Variants in SFXN2 observed in about 807,000 individuals in gnomAD.
The protein encoded by SFXN2 is sideroflexin 2.
SFXN2 carries 37 observed loss-of-function variants against 41.9 expected under a neutral mutation model. The observed-to-expected ratio is 0.88, with a 90% CI of 0.68 to 1.16. The LOEUF (loss-of-function observed/expected upper bound fraction) is 1.16, where lower values mean the gene tolerates loss of function less well. Among genes scored for constraint, SFXN2 ranks in the 50% most tolerant of loss-of-function variants. The pLI, the probability that SFXN2 is intolerant of heterozygous loss-of-function variation, is 0.00. For missense variants in SFXN2, 386 were observed against 425.2 expected (o/e 0.91, Z 0.81); for synonymous variants, 150 against 156.7 (o/e 0.96, Z 0.32).
At chr10:102,715,990 G>C (rs533212953) in intron 1 of SFXN2, among the ~76,000 whole-genome samples, 30 of 151,712 alleles carry the variant, frequency 2.0e-4, no homozygotes, top group Non-Finnish European at 3.1e-4. Flanking sequence ...ACCTGCTTCA[G>C]ATCCTTGGAG....
In SFXN2 at chr10:102,729,337, C is replaced by T; in HGVS notation, c.450C>T (p.Tyr150=). The change falls in exon 5 of 12, where the codon TAC becomes TAT. Residue 150 remains tyrosine (Y), a synonymous_variant. Transcript: ENST00000369893. ...PTSVRQMALS[Y]FTATTTAVAT... is the part of the protein sequence containing the mutation. ...CCCCCAGGCAGATGGCCCTTTCCTACTTCACAGCCACAACCACTGCTGTGG... is the reference window on the plus strand; with the variant it reads ...CCCCCAGGCAGATGGCCCTTTCCTATTTCACAGCCACAACCACTGCTGTGG... 6.2e-7 allele frequency: 1 copy of T among 1,614,226 alleles called. No individual in the cohort carries two copies. Among genetic ancestry groups the T allele is most frequent in the Non-Finnish European group, 8.5e-7 (1 of 1,180,024 alleles).
rs2064722126 is a variant in SFXN2 at position 102,732,754 on chromosome 10, T to C, written c.722-105T>C. The C allele has an allele frequency of 2.6e-6, 3 of 1,163,080 alleles. No individual in the cohort carries two copies. In the African/African-American group the frequency reaches 4.6e-5, roughly 18 times the overall value. The allele number at this position is 1,163,080 out of a possible 1,614,324, so 72.0% of individuals were successfully genotyped here. A position where few individuals can be genotyped will look rare whatever the true frequency, so the allele number is the denominator to read the frequency against. ...CCTAGTGGTAAGTATTTTCTGGAGC[T>C]TCTGCTGAAGGAGAGGGAACCACTT... is the stretch of plus-strand genomic sequence containing the variant. On this transcript the variant is annotated intron_variant, in intron 8 of 11. Transcript: ENST00000369893.
intron 3 of SFXN2, among the ~76,000 whole-genome samples, chr10:102,727,972 G>A (rs1401257641): frequency 6.6e-6 from 1 of 152,094 alleles, no homozygotes; most frequent in Non-Finnish European, 1.5e-5. Flanking sequence ...AGGCAGAGGG[G>A]CCAGCCTGCG....
chr10:102,736,028 A>C, intron 11 of SFXN2, 119 bp downstream of exon 11: 1 of 988,400 alleles, frequency 1.0e-6, no homozygotes, highest in Non-Finnish European at 1.6e-6. Context: ...CTGTCTGAGG[A>C]CAAGTGTCCA....
At chr10:102,717,636 A>C (rs1590135649) in intron 1 of SFXN2, 1 of 335,828 alleles carries the variant, frequency 3.0e-6, no homozygotes, top group African/African-American at 2.2e-5. Flanking sequence ...AGTATGACTT[A>C]GTACAGGCAA....
Position 102,735,749 on chromosome 10 carries a change from C to T in SFXN2, c.822-113C>T, listed in dbSNP as rs938923026. 1.5e-5 allele frequency: 16 copies of T among 1,039,884 alleles called. No individual in the cohort carries two copies. In the African/African-American group the frequency reaches 2.0e-4, roughly 13 times the overall value. The allele number at this position is 1,039,884 out of a possible 1,614,324, so 64.4% of individuals were successfully genotyped here. A position where few individuals can be genotyped will look rare whatever the true frequency, so the allele number is the denominator to read the frequency against. On this transcript the variant is annotated intron_variant, in intron 10 of 11. Transcript: ENST00000369893. ...GGGTTGGAGGGAGAGGATATGGTGC[C>T]AGCTGGGAAGGCAGGCCAGGTGCCT...
At chr10:102,717,963 G>C (rs1185118058) in intron 1 of SFXN2, among the ~76,000 whole-genome samples, 1 of 152,206 alleles carries the variant, frequency 6.6e-6, no homozygotes, top group Non-Finnish European at 1.5e-5. Context: ...GGATGCTGTA[G>C]GAGTATATAT....
chr10:102,721,959 C>T (rs945727329), intron 1 of SFXN2, among the ~76,000 whole-genome samples: 2 of 152,172 alleles, frequency 1.3e-5, no homozygotes, highest in East Asian at 3.8e-4. Flanking sequence ...TCCTGTTGGT[C>T]TCTCCTCTGA....
In SFXN2 at chr10:102,737,889, G is replaced by C. The variant is rs1038565007; in HGVS notation, c.*127G>C. 1.2e-5 allele frequency: 7 copies of C among 607,858 alleles called. No individual in the cohort carries two copies. Among genetic ancestry groups the C allele is most frequent in the African/African-American group, 1.9e-5 (1 of 54,042 alleles). The allele number at this position is 607,858 out of a possible 1,614,324, so 37.7% of individuals were successfully genotyped here. A position where few individuals can be genotyped will look rare whatever the true frequency, so the allele number is the denominator to read the frequency against. On this transcript the variant is annotated 3_prime_UTR_variant, in exon 12 of 12. Coordinates refer to ENST00000369893, the MANE Select transcript of SFXN2 (RefSeq NM_178858.6). ...AAGGCCAGGGTAGATTGGGGGGTGGGACAATGAATGCCTCATACTTACACC... is the reference window on the plus strand; with the variant it reads ...AAGGCCAGGGTAGATTGGGGGGTGGCACAATGAATGCCTCATACTTACACC...
intron 11 of SFXN2, among the ~76,000 whole-genome samples, chr10:102,737,164 GTAAA>G (rs545614381): frequency 4.0e-5 from 6 of 151,652 alleles, no homozygotes; most frequent in East Asian, 1.9e-4. Flanking sequence ...CAATAAATAA[GTAAA>G]TAAATAAATA....
intron 1 of SFXN2, among the ~76,000 whole-genome samples, chr10:102,722,765 T>G (rs369565194): frequency 1.3e-5 from 2 of 152,054 alleles, no homozygotes. Flanking sequence ...CCCAGACTGG[T>G]CTCAAACTCC....
At chr10:102,725,388 C>T (rs936758549) in intron 1 of SFXN2, among the ~76,000 whole-genome samples, 3 of 152,172 alleles carry the variant, frequency 2.0e-5, no homozygotes, top group Admixed American at 6.5e-5. Context: ...GATGGTTAGG[C>T]TCTGGTAAAA....
intron 6 of SFXN2, 76 bp from the exon 7 acceptor site, chr10:102,731,647 G>T (rs2064705491): frequency 2.2e-6 from 3 of 1,348,194 alleles, no homozygotes; most frequent in Non-Finnish European, 3.2e-6. Flanking sequence ...CCTGGCCTTG[G>T]TCCCCTGGCA....
chr10:102,725,478 T>C (rs1226461302), intron 1 of SFXN2, among the ~76,000 whole-genome samples: 3 of 152,184 alleles, frequency 2.0e-5, no homozygotes, highest in African/African-American at 7.2e-5. Flanking sequence ...TCCCAGCTAC[T>C]TGGGAGGCTG....
Position 102,734,699 on chromosome 10 carries a change from C to G in SFXN2, c.821+1096C>G, listed in dbSNP as rs1356240102. Among the ~76,000 whole-genome samples the G allele has an allele frequency of 6.6e-6, 1 of 152,160 alleles. No homozygotes were observed. Among genetic ancestry groups the G allele is most frequent in the East Asian group, 1.9e-4 (1 of 5,202 alleles). ...GGCACTGCAAAGTGGTCTGCAGTAG[C>G]CCTAAAAAGTAGGTTGTCCTCCCTC... On this transcript the variant is annotated intron_variant, in intron 10 of 11. Coordinates refer to ENST00000369893, the MANE Select transcript of SFXN2 (RefSeq NM_178858.6). This position sits in a 1 kb window ranked among gnomAD's most constrained non-coding sequence, Gnocchi z 4.1.
At chr10:102,721,096 G>C (rs1437365662) in intron 1 of SFXN2, among the ~76,000 whole-genome samples, 1 of 152,168 alleles carries the variant, frequency 6.6e-6, no homozygotes, top group African/African-American at 2.4e-5. Flanking sequence ...GGGATGGTCT[G>C]TTGCTGGCCG....
chr10:102,728,368 A>C (rs1303711243), intron 3 of SFXN2, 63 bp from the exon 4 acceptor site: 6 of 1,316,938 alleles, frequency 4.6e-6, no homozygotes, highest in Non-Finnish European at 6.6e-6. Context: ...TTTGACTGGC[A>C]TACCCTCAGG....
chr10:102,730,721 C>T (rs2136052158), intron 6 of SFXN2, among the ~76,000 whole-genome samples: 1 of 152,136 alleles, frequency 6.6e-6, no homozygotes, highest in African/African-American at 2.4e-5. Flanking sequence ...GATGCTGAGG[C>T]AGGAGGATCA....
At chr10:102,717,885 C>T (rs2064441069) in intron 1 of SFXN2, 4 of 736,274 alleles carry the variant, frequency 5.4e-6, no homozygotes, top group Non-Finnish European at 6.6e-6. Context: ...GGGAGGCAGA[C>T]TTTACACAAA....
Sources: gnomAD v4.1 joint callset for allele counts (sites outside exome capture counted in the v4.1 genomes callset) on GRCh38, gnomAD v4.1.1 for gene constraint, Gnocchi (gnomAD v3.1) non-coding constraint, MANE v1.5 for transcripts, NCBI Gene and HGNC (gene_info 2026-07-23, HGNC 2026-07-21) for gene names.